TRHDE: variants seen among roughly 807,000 people sequenced by gnomAD.
TRHDE encodes the protein thyrotropin-releasing hormone-degrading ectoenzyme.
Under a neutral mutation model 125.7 loss-of-function variants are expected in TRHDE, and 72 were observed. That is an observed-to-expected ratio of 0.57 (90% CI 0.47 to 0.70). The LOEUF (loss-of-function observed/expected upper bound fraction) is 0.70. TRHDE is among the 30% of genes least tolerant of loss of function. The probability of loss-of-function intolerance (pLI) is 0.00; values close to 1 mark genes in which losing one functional copy is unlikely to be tolerated. For missense variants in TRHDE, 1,110 were observed against 1,327.1 expected, an observed-to-expected ratio of 0.84 and a Z score of 2.54; for synonymous variants, 509 against 509.1, an observed-to-expected ratio of 1.00 and a Z score of 0.00.
intron 12 of TRHDE, among the ~76,000 whole-genome samples, chr12:72,601,043 A>C (rs1434971948): frequency 6.6e-6 from 1 of 152,108 alleles, no homozygotes; most frequent in Non-Finnish European, 1.5e-5. Flanking sequence ...GATTCGTTTG[A>C]TGGATCTGAG....
intron 2 of TRHDE, among the ~76,000 whole-genome samples, chr12:72,176,194 CA>C (rs918158780): frequency 1.1e-4 from 17 of 151,708 alleles, no homozygotes; most frequent in Middle Eastern, 3.4e-3. Context: ...CTAACTCTAC[CA>C]AAAAAAAGAG....
In TRHDE at chr12:72,343,780, C is replaced by G. The variant is rs552318597; in HGVS notation, c.1189-34215C>G. ...TAAAAGATATAAAGGAAGGGTTGAA[C>G]TTCCTAAAATGAACTTCTACTTCAT... On this transcript the variant is annotated intron_variant, in intron 2 of 18. Coordinates refer to ENST00000261180, the MANE Select transcript of TRHDE (RefSeq NM_013381.3). 9.5e-4 allele frequency among the ~76,000 whole-genome samples: 145 copies of G among 152,048 alleles called. 1 individual carries two copies. Among genetic ancestry groups the G allele is most frequent in the Admixed American group, 2.4e-3 (36 of 15,238 alleles).
At chr12:72,518,854 C>G (rs1361720464) in intron 6 of TRHDE, among the ~76,000 whole-genome samples, 1 of 152,222 alleles carries the variant, frequency 6.6e-6, no homozygotes, top group African/African-American at 2.4e-5. Context: ...GTGACAGAAT[C>G]TCTCAGCATT....
chr12:72,235,530 G>T (rs1301526347), intron 2 of TRHDE, among the ~76,000 whole-genome samples: 1 of 152,162 alleles, frequency 6.6e-6, no homozygotes, highest in Non-Finnish European at 1.5e-5. Context: ...GCCATTCCCT[G>T]AATCAGTGTC....
At chr12:72,177,647 A>G (rs1877017618) in intron 2 of TRHDE, among the ~76,000 whole-genome samples, 1 of 152,146 alleles carries the variant, frequency 6.6e-6, no homozygotes, top group Admixed American at 6.5e-5. Flanking sequence ...TGTTGCAGTA[A>G]GGTGTGGGCT....
intron 5 of TRHDE, among the ~76,000 whole-genome samples, chr12:72,489,107 A>G (rs115291842): frequency 1.3e-5 from 2 of 151,876 alleles, no homozygotes; most frequent in African/African-American, 4.8e-5. Context: ...AAAGAAGACC[A>G]TACAAAATCT....
chr12:72,342,797 G>C (rs770702048), intron 2 of TRHDE, among the ~76,000 whole-genome samples: 1 of 152,014 alleles, frequency 6.6e-6, no homozygotes, highest in Admixed American at 6.6e-5. Flanking sequence ...CTTGGATGGA[G>C]CATTTTTTTT....
At chr12:72,402,764 C>G (rs569083159) in intron 3 of TRHDE, among the ~76,000 whole-genome samples, 52 of 152,110 alleles carry the variant, frequency 3.4e-4, no homozygotes, top group African/African-American at 1.3e-3. Context: ...ATGAAATAGC[C>G]TCATTGATTT....
intron 2 of TRHDE, among the ~76,000 whole-genome samples, chr12:72,251,315 A>T (rs1359409132): frequency 6.6e-6 from 1 of 151,968 alleles, no homozygotes; most frequent in African/African-American, 2.4e-5. Flanking sequence ...CCCTTACTGT[A>T]TATACCCCCT....
At chr12:72,327,192 A>G (rs556431670) in intron 2 of TRHDE, among the ~76,000 whole-genome samples, 1 of 152,184 alleles carries the variant, frequency 6.6e-6, no homozygotes, top group East Asian at 1.9e-4. Flanking sequence ...GGGGGCATGG[A>G]GGTTGGAGAC....
chr12:72,138,236 G>A (rs140420572), intron 2 of TRHDE, among the ~76,000 whole-genome samples: 5,366 of 152,132 alleles, frequency 0.035, 164 homozygotes, highest in African/African-American at 0.086. Context: ...TTAGCCACAC[G>A]TGGTGGTACG....
intron 12 of TRHDE, among the ~76,000 whole-genome samples, chr12:72,597,745 A>ATATG (rs1872029657): frequency 9.7e-5 from 1 of 10,354 alleles, no homozygotes; most frequent in Non-Finnish European, 2.5e-4. Context: ...ATATATATAT[A>ATATG]TATATATATA....
chr12:72,214,176 C>T (rs542400507), intron 2 of TRHDE, among the ~76,000 whole-genome samples: 83 of 152,182 alleles, frequency 5.5e-4, no homozygotes, highest in Admixed American at 1.5e-3. Flanking sequence ...AGAGAGGGCA[C>T]GAAGGTCTCC....
At chr12:72,323,618 G>T (rs1869199922) in intron 2 of TRHDE, among the ~76,000 whole-genome samples, 1 of 152,118 alleles carries the variant, frequency 6.6e-6, no homozygotes, top group African/African-American at 2.4e-5. Context: ...TGATACAAAA[G>T]AAGCTAATCC....
chr12:72,263,844 A>G (rs1192228045), intron 2 of TRHDE: 2 of 152,078 alleles, frequency 1.3e-5, no homozygotes, highest in African/African-American at 4.8e-5. Flanking sequence ...AGCTTATGAC[A>G]TTCAGCTTAT....
chr12:72,219,897 A>T (rs1246521822), intron 2 of TRHDE, among the ~76,000 whole-genome samples: 3 of 152,158 alleles, frequency 2.0e-5, no homozygotes, highest in African/African-American at 7.2e-5. Context: ...TTCAATTAAA[A>T]CATAACATGG....
intron 3 of TRHDE, among the ~76,000 whole-genome samples, chr12:72,434,190 G>A (rs543749390): frequency 6.6e-6 from 1 of 151,934 alleles, no homozygotes; most frequent in Non-Finnish European, 1.5e-5. Context: ...TTCAAGAGCA[G>A]CCTGGCCAAC....
At chr12:72,203,131 G>C (rs1453265628) in intron 2 of TRHDE, among the ~76,000 whole-genome samples, 2 of 152,088 alleles carry the variant, frequency 1.3e-5, no homozygotes, top group African/African-American at 4.8e-5. Flanking sequence ...GAGAGAGAAA[G>C]AGAAAGAGAG....
chr12:72,275,058 A>C (rs760726035), intron 1 of TRHDE, among the ~76,000 whole-genome samples: 2 of 152,236 alleles, frequency 1.3e-5, no homozygotes, highest in Non-Finnish European at 2.9e-5. Flanking sequence ...ATCAGTAATG[A>C]GGCAGAGCCT....
Sources: gnomAD v4.1 joint callset for allele counts (sites outside exome capture counted in the v4.1 genomes callset) on GRCh38, gnomAD v4.1.1 for gene constraint, MANE v1.5 for transcripts, NCBI Gene and HGNC (gene_info 2026-07-23, HGNC 2026-07-21) for gene names.